Variants in AZIN2 observed in about 807,000 individuals in gnomAD.
AZIN2 encodes ODC antizyme inhibitor-2.
AZIN2 carries 28 observed loss-of-function variants against 47.8 expected under a neutral mutation model. The observed-to-expected ratio is 0.59, with a 90% CI of 0.43 to 0.80. AZIN2 has a LOEUF of 0.80. Among genes scored for constraint, AZIN2 ranks in the 30% least tolerant of loss-of-function variants. The pLI, the probability that AZIN2 is intolerant of heterozygous loss-of-function variation, is 0.00. For synonymous variants in AZIN2, 221 were observed against 239.4 expected (o/e 0.92, Z 0.71); for missense variants, 535 against 582.5 (o/e 0.92, Z 0.84).
At chr1:33,136,658 C>T in the AZIN2 span, among the ~76,000 whole-genome samples, 1 of 151,722 alleles carries the variant, frequency 6.6e-6, no homozygotes, top group South Asian at 2.1e-4. Context: ...GCCTGAGCCA[C>T]TGCGCCTGGC....
chr1:33,093,346 G>A lies in AZIN2; in HGVS notation c.517G>A (p.Val173Met). ...GAGCTGCCTGAGCCTAAAGTTTGGA[G>A]TGTCACTGAAATCCTGCAGACACCT... The part of the protein sequence containing the change: ...SLSCLSLKFG[V>M]SLKSCRHLLE... Residue 173 changes from valine (V) to methionine (M), a missense_variant, in exon 7 of 12, where the codon GTG becomes ATG. Val to Met is a conservative substitution (Grantham distance 21). Coordinates refer to ENST00000294517, the MANE Select transcript of AZIN2 (RefSeq NM_052998.4). The A allele has an allele frequency of 1.9e-6, 3 of 1,614,110 alleles. No individual in the cohort carries two copies. The highest frequency in any genetic ancestry group is 2.5e-6 in the Non-Finnish European group (3 of 1,179,986).
chr1:33,083,652 T>A, intron 4 of AZIN2: 2 of 415,488 alleles, frequency 4.8e-6, no homozygotes, highest in South Asian at 2.6e-5. Flanking sequence ...GACACAGGAG[T>A]GGGGAGGGTA....
chr1:33,133,258 C>T, the AZIN2 span, among the ~76,000 whole-genome samples: 1 of 152,218 alleles, frequency 6.6e-6, no homozygotes, highest in Non-Finnish European at 1.5e-5. Flanking sequence ...ATGGCCTCTG[C>T]GAGGCTTTAT....
At chr1:33,085,064 G>A (rs1187898737) in intron 5 of AZIN2, among the ~76,000 whole-genome samples, 3 of 152,028 alleles carry the variant, frequency 2.0e-5, no homozygotes, top group Non-Finnish European at 2.9e-5. Flanking sequence ...CTAGATAAAA[G>A]CATTTAAGCT....
chr1:33,160,643 G>T, the AZIN2 span, among the ~76,000 whole-genome samples: 3 of 152,112 alleles, frequency 2.0e-5, no homozygotes, highest in Admixed American at 2.0e-4. Flanking sequence ...GACGTTAGGT[G>T]ATCTGCCCAC....
intron 5 of AZIN2, among the ~76,000 whole-genome samples, chr1:33,088,474 A>T (rs1320889582): frequency 1.3e-5 from 2 of 152,202 alleles, no homozygotes; most frequent in African/African-American, 4.8e-5. Context: ...TCCTTCAGGT[A>T]GCCAGATAGA....
At chr1:33,141,949 T>TC in the AZIN2 span, 14 of 153,012 alleles carry the variant, frequency 9.1e-5, no homozygotes, top group African/African-American at 2.9e-4. Context: ...TAAAAGTACT[T>TC]CCCCCCTCCC....
At chr1:33,161,697 G>A in the AZIN2 span, among the ~76,000 whole-genome samples, 1,234 of 152,244 alleles carry the variant, frequency 8.1e-3, 17 homozygotes, top group African/African-American at 0.028. The surrounding 1 kb of genome is among the most constrained non-coding windows in gnomAD (Gnocchi z 4.3). Context: ...TTGCTGATGG[G>A]GAAGATGGGG....
chr1:33,105,285 T>C (rs1181966044), intron 10 of AZIN2, among the ~76,000 whole-genome samples: 2 of 152,192 alleles, frequency 1.3e-5, no homozygotes, highest in Admixed American at 1.3e-4. Context: ...ATTGTGAGCA[T>C]ATGGTTTTCT....
the AZIN2 span, chr1:33,147,213 G>A: frequency 5.6e-6 from 9 of 1,613,890 alleles, no homozygotes; most frequent in Admixed American, 1.7e-5. The surrounding 1 kb of genome is among the most constrained non-coding windows in gnomAD (Gnocchi z 8.1). Flanking sequence ...GCGGCTGAAC[G>A]TTCTTGCCAT....
chr1:33,108,197 C>G (rs2124620346), intron 10 of AZIN2, among the ~76,000 whole-genome samples: 1 of 152,240 alleles, frequency 6.6e-6, no homozygotes, highest in African/African-American at 2.4e-5. Flanking sequence ...AATTGATCTT[C>G]AACAAACGTA....
the AZIN2 span, chr1:33,165,779 A>C: frequency 7.3e-6 from 3 of 410,946 alleles, no homozygotes; most frequent in African/African-American, 6.2e-5. This position sits in a 1 kb window ranked among gnomAD's most constrained non-coding sequence, Gnocchi z 4.0. Flanking sequence ...GCATCTTTGC[A>C]ACAACCTCCT....
At chr1:33,164,353 A>C in the AZIN2 span, 1 of 152,266 alleles carries the variant, frequency 6.6e-6, no homozygotes, top group Non-Finnish European at 1.5e-5. Context: ...GCTCCTGCTG[A>C]CAGAGCGGGG....
At chr1:33,126,517 G>C (rs1163556596), downstream of AZIN2, among the ~76,000 whole-genome samples, 1 of 152,126 alleles carries the variant, frequency 6.6e-6, no homozygotes, top group Non-Finnish European at 1.5e-5. Flanking sequence ...AACTAGTTTG[G>C]GTGGTGGTGG....
chr1:33,099,190 A>G (rs952286685), intron 10 of AZIN2, among the ~76,000 whole-genome samples: 1 of 152,042 alleles, frequency 6.6e-6, no homozygotes, highest in Non-Finnish European at 1.5e-5. Flanking sequence ...CAGTTTTTCA[A>G]AAGTCAGTCA....
chr1:33,092,096 T>C lies in AZIN2; in HGVS notation c.326T>C (p.Ile109Thr), dbSNP rs754234182. Residue 109 changes from isoleucine (I) to threonine (T), a missense_variant, in exon 6 of 12, where the codon ATC (isoleucine) becomes ACC (threonine). Physicochemically the swap from Ile to Thr is moderately conservative, Grantham distance 89 (BLOSUM62 -1). Coordinates refer to ENST00000294517, the MANE Select transcript of AZIN2 (RefSeq NM_052998.4). Reference protein sequence around the residue: ...VQHIGIPASKIICANPCKQIA... With the variant: ...VQHIGIPASKTICANPCKQIA... The stretch of plus-strand genomic sequence containing the variant: ...CATATTGGAATCCCTGCCAGTAAGA[T>C]CATCTGCGCCAACCCCTGTAAGCAA... The C allele has an allele frequency of 6.2e-7, 1 of 1,614,100 alleles. No homozygotes were observed. Among genetic ancestry groups the C allele is most frequent in the Admixed American group, 1.7e-5 (1 of 60,004 alleles).
At chr1:33,138,738 T>G in the AZIN2 span, among the ~76,000 whole-genome samples, 1 of 152,176 alleles carries the variant, frequency 6.6e-6, no homozygotes, top group African/African-American at 2.4e-5. Context: ...TTCCTTTGTG[T>G]CTTGTGTATT....
At chr1:33,150,580 A>G in the AZIN2 span, among the ~76,000 whole-genome samples, 1 of 152,236 alleles carries the variant, frequency 6.6e-6, no homozygotes, top group South Asian at 2.1e-4. Context: ...TCCTCTGTCC[A>G]GGGACATAGA....
At position 33,101,779 on chromosome 1, in the gene AZIN2, A is replaced by G. The variant is rs1310699282; in HGVS notation, c.1029+3600A>G. Reference sequence around the variant, plus strand: ...TTATATTTGTTTTTTTGCTTTATAAAAAGGTATTTTGATGCATGTAACCTG... The same window carrying G: ...TTATATTTGTTTTTTTGCTTTATAAGAAGGTATTTTGATGCATGTAACCTG... On this transcript the variant is annotated intron_variant, in intron 10 of 11. Transcript: ENST00000294517. 3 of 751,052 alleles carry G rather than the reference A, an allele frequency of 4.0e-6. No homozygotes were observed. The Admixed American group carries it at 5.7e-5, about 14-fold the overall frequency. The allele number at this position is 751,052 out of a possible 1,614,324, so 46.5% of individuals were successfully genotyped here.
Sources: allele counts gnomAD v4.1 joint callset (sites outside exome capture counted in the v4.1 genomes callset), GRCh38; gene constraint gnomAD v4.1.1; non-coding constraint Gnocchi (gnomAD v3.1); transcripts MANE v1.5; gene names NCBI Gene and HGNC (gene_info 2026-07-23, HGNC 2026-07-21).